Variants in CTNNA1 observed in about 807,000 individuals in gnomAD.
CTNNA1 encodes catenin alpha-1.
Under a neutral mutation model 98.4 loss-of-function variants are expected in CTNNA1, and 37 were observed. That is an observed-to-expected ratio of 0.38 (90% confidence interval 0.29 to 0.49). The LOEUF (loss-of-function observed/expected upper bound fraction) is 0.49, where lower values mean the gene tolerates loss of function less well. Among genes scored for constraint, CTNNA1 ranks in the 20% least tolerant of loss-of-function variants. CTNNA1 has a pLI of 0.95. For missense variants in CTNNA1, 761 were observed against 1,147.2 expected (o/e 0.66, Z 4.86); for synonymous variants, 404 against 413.2 (o/e 0.98, Z 0.27).
chr5:138,883,717 A>G (rs1363284906), intron 7 of CTNNA1, among the ~76,000 whole-genome samples: 1 of 152,202 alleles, frequency 6.6e-6, no homozygotes, highest in Admixed American at 6.5e-5. Context: ...TCTATTAGAA[A>G]CACCAGAAAA....
At chr5:138,925,493 G>C in intron 13 of CTNNA1, 86 bp downstream of exon 13, 1 of 1,506,178 alleles carries the variant, frequency 6.6e-7, no homozygotes, top group Non-Finnish European at 9.0e-7. Context: ...GAACTCGGCA[G>C]ATGCGGTGGC....
At chr5:138,908,517 T>C (rs962554507) in intron 10 of CTNNA1, among the ~76,000 whole-genome samples, 1 of 151,986 alleles carries the variant, frequency 6.6e-6, no homozygotes, top group Non-Finnish European at 1.5e-5. Flanking sequence ...ATAAAAGAAT[T>C]GGCTGGGCAT....
At chr5:138,919,721 G>C (rs1449982338) in intron 11 of CTNNA1, among the ~76,000 whole-genome samples, 2 of 152,196 alleles carry the variant, frequency 1.3e-5, no homozygotes, top group Non-Finnish European at 2.9e-5. Context: ...GGTGTTTTCA[G>C]AGCATCTGAA....
At chr5:138,812,783 T>G (rs1043101104) in intron 5 of CTNNA1, among the ~76,000 whole-genome samples, 2 of 152,236 alleles carry the variant, frequency 1.3e-5, no homozygotes, top group Admixed American at 1.3e-4. Flanking sequence ...AGGATCAGTG[T>G]TAACTTTTCC....
chr5:138,809,984 G>A, intron 3 of CTNNA1, 54 bp from the exon 4 acceptor site: 1 of 1,538,486 alleles, frequency 6.5e-7, no homozygotes, highest in African/African-American at 1.4e-5. Flanking sequence ...TAAAAATGTA[G>A]ATCAGTTATT....
At position 138,874,794 on chromosome 5, in the gene CTNNA1, C is replaced by T; in HGVS notation, c.1063-11418C>T. The T allele has an allele frequency of 1.8e-6, 2 of 1,090,948 alleles. No homozygotes were observed. The highest frequency in any genetic ancestry group is 2.7e-6 in the Non-Finnish European group (2 of 734,148). The allele number at this position is 1,090,948 out of a possible 1,614,324, so 67.6% of individuals were successfully genotyped here. A position where few individuals can be genotyped will look rare whatever the true frequency, so the allele number is the denominator to read the frequency against. On this transcript the variant is annotated intron_variant, in intron 7 of 17. Coordinates refer to ENST00000302763, the MANE Select transcript of CTNNA1 (RefSeq NM_001903.5). The surrounding 1 kb of genome is among the most constrained non-coding windows in gnomAD (Gnocchi z 4.1). The stretch of plus-strand genomic sequence containing the variant: ...TCATCGATATATGCTTTTACCTAAA[C>T]CTCAAAATCCAAAATATGATGGTGA...
intron 7 of CTNNA1, chr5:138,827,958 C>T (rs1407113866): frequency 9.8e-6 from 5 of 511,196 alleles, no homozygotes; most frequent in South Asian, 8.5e-5. Context: ...GGAAATTTAT[C>T]TGTATTCATC....
chr5:138,774,218 T>G (rs938981616), intron 1 of CTNNA1, among the ~76,000 whole-genome samples: 4 of 152,048 alleles, frequency 2.6e-5, no homozygotes, highest in African/African-American at 7.2e-5. Context: ...AGAGATGAGG[T>G]CTCGCTATGT....
rs2149736533 is a variant in CTNNA1 at position 138,812,198 on chromosome 5, T to C, written c.484T>C (p.Leu162=). The C allele has an allele frequency of 6.2e-7, 1 of 1,613,752 alleles. No homozygotes were observed. Among genetic ancestry groups the C allele is most frequent in the Non-Finnish European group, 8.5e-7 (1 of 1,179,832 alleles). Residue 162 remains leucine (L), a synonymous_variant, in exon 5 of 18, where the codon TTG becomes CTG. Transcript: ENST00000302763. ...VQLKVVEDGI[L]KLRNAGNEQD... is the part of the protein sequence containing the mutation. ...TATTTTATAGGTGGAAGATGGTATCTTGAAGTTGAGGAATGCTGGCAATGA... is the reference window on the plus strand; with the variant it reads ...TATTTTATAGGTGGAAGATGGTATCCTGAAGTTGAGGAATGCTGGCAATGA...
rs139132883 is a variant in CTNNA1, at chr5:138,842,659, C to T, written c.1062+14941C>T. Among the ~76,000 whole-genome samples, 608 of 152,260 alleles carry T rather than the reference C, an allele frequency of 4.0e-3. 8 individuals are homozygous for T. Among genetic ancestry groups the T allele is most frequent in the African/African-American group, 0.013 (532 of 41,552 alleles). On this transcript the variant is annotated intron_variant, in intron 7 of 17. Transcript: ENST00000302763. Reference sequence around the variant, plus strand: ...TGGAAAATCAGACCTTGATGATGACCTTGAGCAGTAGGATATAAATAGCTC... The same window carrying T: ...TGGAAAATCAGACCTTGATGATGACTTTGAGCAGTAGGATATAAATAGCTC...
chr5:138,807,792 G>C (rs1581096643), intron 3 of CTNNA1, among the ~76,000 whole-genome samples: 1 of 152,030 alleles, frequency 6.6e-6, no homozygotes. Flanking sequence ...TTGTTGCTCA[G>C]GCTGGAGTGC....
At chr5:138,822,530 C>T (rs569745493) in intron 5 of CTNNA1, among the ~76,000 whole-genome samples, 60 of 152,168 alleles carry the variant, frequency 3.9e-4, no homozygotes, top group African/African-American at 1.4e-3. Flanking sequence ...AATGCCTTCC[C>T]GGAAAACTTT....
rs775434471 is a variant in CTNNA1, at chr5:138,873,769, T to C, written c.1063-12443T>C. ...ACACTGTCAAGTCGATGGCTTTGAT[T>C]TCATTTCCAGTCAGGTCTAGCTTTT... On this transcript the variant is annotated intron_variant, in intron 7 of 17. Coordinates refer to ENST00000302763, the MANE Select transcript of CTNNA1 (RefSeq NM_001903.5). This position sits in a 1 kb window ranked among gnomAD's most constrained non-coding sequence, Gnocchi z 6.1. 1.2e-6 allele frequency: 2 copies of C among 1,613,914 alleles called. No individual in the cohort carries two copies. Among genetic ancestry groups the C allele is most frequent in the African/African-American group, 2.7e-5 (2 of 74,934 alleles).
intron 7 of CTNNA1, among the ~76,000 whole-genome samples, chr5:138,858,601 T>TTTTCTTTTTCTTTTTCTTTTTA: frequency 6.9e-6 from 1 of 144,972 alleles, no homozygotes; most frequent in African/African-American, 2.6e-5. Context: ...TTTCTTTTTT[T>TTTTCTTTTTCTTTTTCTTTTTA]TTTTTTTTTT....
In CTNNA1 at chr5:138,814,156, T is replaced by A. The variant is rs116219375; in HGVS notation, c.588+1854T>A. Among the ~76,000 whole-genome samples, 977 of 152,302 alleles carry A rather than the reference T, an allele frequency of 6.4e-3. 7 individuals are homozygous for A. Among genetic ancestry groups the A allele is most frequent in the African/African-American group, 0.02 (852 of 41,566 alleles). On this transcript the variant is annotated intron_variant, in intron 5 of 17. Coordinates refer to ENST00000302763, the MANE Select transcript of CTNNA1 (RefSeq NM_001903.5). Reference sequence around the variant, plus strand: ...CATAAGATGTGATCAGACTAACTTATATATGAGATCCTGGTTTTGCATTTC... The same window carrying A: ...CATAAGATGTGATCAGACTAACTTAAATATGAGATCCTGGTTTTGCATTTC...
chr5:138,755,623 T>C (rs1037563982), intron 1 of CTNNA1, among the ~76,000 whole-genome samples: 1 of 152,172 alleles, frequency 6.6e-6, no homozygotes, highest in Non-Finnish European at 1.5e-5. Flanking sequence ...CACTGCTCTG[T>C]GCAGTCTCTT....
chr5:138,850,042 T>A (rs910833056), intron 7 of CTNNA1, among the ~76,000 whole-genome samples: 1 of 152,192 alleles, frequency 6.6e-6, no homozygotes, highest in Non-Finnish European at 1.5e-5. Context: ...TTTTGACTTA[T>A]ATGGAAAGTT....
chr5:138,933,943 T>C lies in CTNNA1; in HGVS notation c.2575T>C (p.Trp859Arg). 1 of 1,614,028 alleles carries C rather than the reference T, an allele frequency of 6.2e-7. No homozygotes were observed. The highest frequency in any genetic ancestry group is 8.5e-7 in the Non-Finnish European group (1 of 1,180,016). Residue 859 changes from tryptophan (W) to arginine (R), a missense_variant, in exon 18 of 18, where the codon TGG (tryptophan) becomes CGG (arginine). Trp to Arg is a moderately radical substitution (Grantham distance 101). This residue lies in a region of CTNNA1 where 57 missense variants were observed against 90.9 expected (regional missense o/e 0.63). Coordinates refer to ENST00000302763, the MANE Select transcript of CTNNA1 (RefSeq NM_001903.5). ...TTCCCTCAACCTTCCTGCTGTGTCA[T>C]GGAAGATGAAGGCACCAGAGAAAAA... ...MASLNLPAVS[W>R]KMKAPEKKPL...
chr5:138,805,686 A>G (rs1758014250), intron 3 of CTNNA1, among the ~76,000 whole-genome samples: 1 of 151,902 alleles, frequency 6.6e-6, no homozygotes, highest in Non-Finnish European at 1.5e-5. Flanking sequence ...TCTGGGCTCA[A>G]GCAGTCCTCC....
Sources: allele counts gnomAD v4.1 joint callset (sites outside exome capture counted in the v4.1 genomes callset), GRCh38; gene constraint gnomAD v4.1.1; regional missense constraint gnomAD v4.1.1; non-coding constraint Gnocchi (gnomAD v3.1); transcripts MANE v1.5; gene names NCBI Gene and HGNC (gene_info 2026-07-23, HGNC 2026-07-21).